The following BLTP3B variants were observed in gnomAD, a reference collection of about 807,000 sequenced individuals.
BLTP3B encodes the protein UHRF1 (ICBP90) binding protein 1-like.
At chr12:100,056,462 T>C in the BLTP3B span, among the ~76,000 whole-genome samples, 1 of 152,150 alleles carries the variant, frequency 6.6e-6, no homozygotes, top group South Asian at 2.1e-4. Flanking sequence ...TTACTTATTA[T>C]ATACTTGTTA....
At chr12:100,097,307 C>A in the BLTP3B span, 2 of 1,529,010 alleles carry the variant, frequency 1.3e-6, no homozygotes, top group South Asian at 1.3e-5. Context: ...ACACACAAAT[C>A]AAAAAGTCAA....
the BLTP3B span, chr12:100,048,113 G>GTATTAC: frequency 1.2e-6 from 2 of 1,612,912 alleles, no homozygotes; most frequent in Non-Finnish European, 1.7e-6. Context: ...AGTAAAGAGT[G>GTATTAC]TATTACAGCA....
chr12:100,095,344 C>G, the BLTP3B span, among the ~76,000 whole-genome samples: 1 of 152,132 alleles, frequency 6.6e-6, no homozygotes, highest in African/African-American at 2.4e-5. Flanking sequence ...CTATAATTAC[C>G]CAGGTTTTTT....
chr12:100,127,850 T>G, the BLTP3B span, among the ~76,000 whole-genome samples: 1 of 151,914 alleles, frequency 6.6e-6, no homozygotes, highest in Non-Finnish European at 1.5e-5. Flanking sequence ...TTCATCTCTA[T>G]AAAAATTTAA....
chr12:100,051,335 C>T, the BLTP3B span: 2 of 888,360 alleles, frequency 2.3e-6, no homozygotes, highest in Non-Finnish European at 3.2e-6. Flanking sequence ...TCAAGCACTG[C>T]CTCCTTTAAA....
At chr12:100,047,709 C>A in the BLTP3B span, 3 of 1,185,270 alleles carry the variant, frequency 2.5e-6, no homozygotes, top group Admixed American at 1.9e-5. Flanking sequence ...AAAGATAACA[C>A]ATGTATCTTT....
chr12:100,090,342 T>C, the BLTP3B span, among the ~76,000 whole-genome samples: 4 of 152,202 alleles, frequency 2.6e-5, no homozygotes, highest in Non-Finnish European at 4.4e-5. Context: ...CCTGTTGATA[T>C]ATAAAAATAA....
chr12:100,057,665 T>C, the BLTP3B span: 3,059 of 1,612,996 alleles, frequency 1.9e-3, 5 homozygotes, highest in Non-Finnish European at 2.3e-3. Context: ...CCAATGACAT[T>C]TGTGAAGAGC....
chr12:100,099,116 C>T, the BLTP3B span, among the ~76,000 whole-genome samples: 11 of 151,498 alleles, frequency 7.3e-5, no homozygotes, highest in Non-Finnish European at 1.6e-4. Flanking sequence ...CCTCAGCCTC[C>T]GGAGTGGCTG....
the BLTP3B span, chr12:100,072,662 A>C: frequency 2.0e-6 from 3 of 1,492,152 alleles, no homozygotes; most frequent in Non-Finnish European, 2.7e-6. Context: ...ATAATTAAAA[A>C]CTCTCTTACT....
At chr12:100,061,428 C>T in the BLTP3B span, among the ~76,000 whole-genome samples, 1 of 152,004 alleles carries the variant, frequency 6.6e-6, no homozygotes, top group Non-Finnish European at 1.5e-5. Flanking sequence ...GAGGCCGAGG[C>T]GGGTGGATCA....
At chr12:100,091,727 T>C in the BLTP3B span, among the ~76,000 whole-genome samples, 2 of 149,650 alleles carry the variant, frequency 1.3e-5, no homozygotes, top group African/African-American at 4.9e-5. Flanking sequence ...ATGGTCTTGA[T>C]CTCCTGACCT....
chr12:100,069,996 C>T, the BLTP3B span: 807 of 1,221,294 alleles, frequency 6.6e-4, 2 homozygotes, highest in African/African-American at 0.012. Context: ...AGACAATGGC[C>T]GTGGTGAATA....
At chr12:100,137,157 A>C in the BLTP3B span, among the ~76,000 whole-genome samples, 1 of 152,182 alleles carries the variant, frequency 6.6e-6, no homozygotes, top group Non-Finnish European at 1.5e-5. Context: ...CTAAAATCTT[A>C]AACTTCAATG....
chr12:100,091,335 C>T, the BLTP3B span, among the ~76,000 whole-genome samples: 5 of 151,174 alleles, frequency 3.3e-5, no homozygotes, highest in African/African-American at 4.9e-5. Context: ...ACTACAGCGC[C>T]CGCCACCACG....
chr12:100,130,629 G>C, the BLTP3B span, among the ~76,000 whole-genome samples: 1 of 152,062 alleles, frequency 6.6e-6, no homozygotes, highest in African/African-American at 2.4e-5. Context: ...AAAGTAACAA[G>C]TTGGGGCTGG....
the BLTP3B span, among the ~76,000 whole-genome samples, chr12:100,134,335 T>A: frequency 6.6e-6 from 1 of 152,180 alleles, no homozygotes; most frequent in African/African-American, 2.4e-5. Context: ...CTGGGCGCAG[T>A]GGCTCAGGCC....
At chr12:100,084,253 G>A in the BLTP3B span, among the ~76,000 whole-genome samples, 29 of 152,036 alleles carry the variant, frequency 1.9e-4, no homozygotes, top group African/African-American at 6.3e-4. Context: ...GCACTTTGCG[G>A]AGGGCCAAGG....
the BLTP3B span, among the ~76,000 whole-genome samples, chr12:100,046,856 C>T: frequency 1.3e-5 from 2 of 151,986 alleles, no homozygotes; most frequent in African/African-American, 4.8e-5. Flanking sequence ...TAGAGACGTG[C>T]AAAGTGCAGA....
Sources: allele counts gnomAD v4.1 joint callset (sites outside exome capture counted in the v4.1 genomes callset), GRCh38; gene constraint gnomAD v4.1.1; transcripts MANE v1.5; gene names NCBI Gene and HGNC (gene_info 2026-07-23, HGNC 2026-07-21).